CDC42SE2: variants seen among roughly 807,000 people sequenced by gnomAD.
CDC42SE2 encodes the protein CDC42 small effector protein 2.
A neutral mutation model predicts 11.5 loss-of-function variants in CDC42SE2; 3 were observed. That is an observed-to-expected ratio of 0.26 (90% CI 0.12 to 0.67). CDC42SE2 has a LOEUF of 0.67. Among genes scored for constraint, CDC42SE2 ranks in the 30% least tolerant of loss-of-function variants. The pLI, the probability that CDC42SE2 is intolerant of heterozygous loss-of-function variation, is 0.80. For synonymous variants in CDC42SE2, 33 were observed against 34.8 expected (o/e 0.95, Z 0.18); for missense variants, 82 against 106.8 (o/e 0.77, Z 1.02).
At chr5:131,277,258 T>C (rs1032332406) in intron 1 of CDC42SE2, among the ~76,000 whole-genome samples, 1 of 152,304 alleles carries the variant, frequency 6.6e-6, no homozygotes, top group East Asian at 1.9e-4. Flanking sequence ...TGGTGTGTAG[T>C]CCTACCACTC....
chr5:131,218,360 C>G, the CDC42SE2 span, among the ~76,000 whole-genome samples: 2 of 151,972 alleles, frequency 1.3e-5, no homozygotes, highest in Non-Finnish European at 2.9e-5. Flanking sequence ...TACATGCCCC[C>G]CAAAATGACT....
chr5:131,383,870 G>GGAA (rs1485309056), intron 3 of CDC42SE2, among the ~76,000 whole-genome samples: 1 of 152,112 alleles, frequency 6.6e-6, no homozygotes, highest in Non-Finnish European at 1.5e-5. Flanking sequence ...CCTCTGAAGA[G>GGAA]GATAAAGCAG....
chr5:131,260,066 C>A (rs998424281), upstream of CDC42SE2, among the ~76,000 whole-genome samples: 10 of 152,326 alleles, frequency 6.6e-5, no homozygotes, highest in East Asian at 1.9e-4. Flanking sequence ...TAGCTTTTAC[C>A]AGCACAGCCT....
chr5:131,216,513 A>C, the CDC42SE2 span, among the ~76,000 whole-genome samples: 2 of 148,036 alleles, frequency 1.4e-5, no homozygotes, highest in Non-Finnish European at 1.5e-5. Flanking sequence ...AAAAAAAAAA[A>C]AAAAAAAAAC....
rs202042149 is a variant in CDC42SE2 at position 131,359,101 on chromosome 5, A to AT, written c.-285-100dup. ...TCAATATCAGTTTGTTAAAATCTTGATTTTTTTTCAGTGTTTACTTTTTTT... is the reference window on the plus strand; with the variant it reads ...TCAATATCAGTTTGTTAAAATCTTGATTTTTTTTTCAGTGTTTACTTTTTTT... On this transcript the variant is annotated intron_variant, in intron 2 of 4. Transcript: ENST00000505065. 465 of 162,292 alleles carry AT rather than the reference A, an allele frequency of 2.9e-3. 1 individual carries two copies. The highest frequency in any genetic ancestry group is 0.01 in the African/African-American group (419 of 41,720). 10.1% of individuals were successfully genotyped at this position (162,292 alleles called of 1,614,324 possible).
chr5:131,346,882 A>G (rs985115174), intron 2 of CDC42SE2, among the ~76,000 whole-genome samples: 29 of 148,536 alleles, frequency 2.0e-4, no homozygotes, highest in African/African-American at 7.4e-4. Flanking sequence ...TGGAAACTGA[A>G]CAACCTGCTC....
intron 1 of CDC42SE2, among the ~76,000 whole-genome samples, chr5:131,292,100 A>G (rs1355877149): frequency 1.3e-5 from 2 of 151,812 alleles, no homozygotes; most frequent in African/African-American, 4.8e-5. Flanking sequence ...TTAGCTAGGC[A>G]TGGTGGCGCA....
the CDC42SE2 span, among the ~76,000 whole-genome samples, chr5:131,234,638 AAAAAAAAAAG>A: frequency 8.6e-5 from 13 of 151,440 alleles, no homozygotes; most frequent in South Asian, 2.1e-4. Context: ...TCTGTCTCAA[AAAAAAAAAAG>A]AAAAAAAAAG....
intron 2 of CDC42SE2, among the ~76,000 whole-genome samples, chr5:131,341,632 C>A (rs1758714046): frequency 6.6e-6 from 1 of 151,868 alleles, no homozygotes; most frequent in South Asian, 2.1e-4. Flanking sequence ...AGGAAGAAAC[C>A]AAAAGAATAT....
intron 1 of CDC42SE2, among the ~76,000 whole-genome samples, chr5:131,265,409 A>G (rs939727646): frequency 1.3e-5 from 2 of 152,144 alleles, no homozygotes; most frequent in African/African-American, 2.4e-5. Flanking sequence ...GGACTGTGGT[A>G]TGGTCTTGCT....
At chr5:131,340,308 T>C (rs1366263290) in intron 2 of CDC42SE2, among the ~76,000 whole-genome samples, 1 of 152,238 alleles carries the variant, frequency 6.6e-6, no homozygotes, top group Admixed American at 6.5e-5. Context: ...TGAACCGTCA[T>C]GCTGTGTCTC....
At chr5:131,307,426 G>C (rs1041425288) in intron 1 of CDC42SE2, among the ~76,000 whole-genome samples, 11 of 151,966 alleles carry the variant, frequency 7.2e-5, no homozygotes, top group African/African-American at 1.9e-4. Flanking sequence ...ATAGTATTCC[G>C]TGGTGTATAT....
At chr5:131,303,810 T>A (rs1361631153) in intron 1 of CDC42SE2, among the ~76,000 whole-genome samples, 1 of 152,204 alleles carries the variant, frequency 6.6e-6, no homozygotes, top group Non-Finnish European at 1.5e-5. Context: ...GTGACTGCCC[T>A]AAAAGTATTT....
chr5:131,221,678 T>C, the CDC42SE2 span, among the ~76,000 whole-genome samples: 1 of 152,338 alleles, frequency 6.6e-6, no homozygotes, highest in African/African-American at 2.4e-5. Flanking sequence ...TTGCACTACT[T>C]CTATTTCAGG....
At chr5:131,284,558 A>G (rs1757302841) in intron 1 of CDC42SE2, among the ~76,000 whole-genome samples, 1 of 152,002 alleles carries the variant, frequency 6.6e-6, no homozygotes, top group Non-Finnish European at 1.5e-5. Flanking sequence ...GTAACCTCGA[A>G]CTCCAGGGCT....
At chr5:131,336,752 G>A (rs968667970) in intron 2 of CDC42SE2, among the ~76,000 whole-genome samples, 14 of 152,042 alleles carry the variant, frequency 9.2e-5, no homozygotes, top group African/African-American at 3.1e-4. Context: ...CTTTCTTCCA[G>A]TTGATCGCAT....
intron 2 of CDC42SE2, among the ~76,000 whole-genome samples, chr5:131,348,704 A>G (rs1184100795): frequency 4.6e-5 from 7 of 152,192 alleles, no homozygotes; most frequent in Non-Finnish European, 1.0e-4. Flanking sequence ...AGCCAAAAGA[A>G]CAAAGGTGGA....
chr5:131,214,797 G>C, the CDC42SE2 span, among the ~76,000 whole-genome samples: 1 of 152,194 alleles, frequency 6.6e-6, no homozygotes, highest in Non-Finnish European at 1.5e-5. Flanking sequence ...ACCTTGGTGA[G>C]ACCATTCCCA....
At chr5:131,222,495 C>T in the CDC42SE2 span, among the ~76,000 whole-genome samples, 2 of 152,194 alleles carry the variant, frequency 1.3e-5, no homozygotes, top group African/African-American at 4.8e-5. Flanking sequence ...AACATGTTAG[C>T]TATTCTTTGC....
Sources: allele counts gnomAD v4.1 joint callset (sites outside exome capture counted in the v4.1 genomes callset), GRCh38; gene constraint gnomAD v4.1.1; transcripts MANE v1.5; gene names NCBI Gene and HGNC (gene_info 2026-07-23, HGNC 2026-07-21).